OLFM3: variants seen among roughly 807,000 people sequenced by gnomAD.
OLFM3 encodes the protein noelin-3.
OLFM3 carries 20 observed loss-of-function variants against 48.6 expected under a neutral mutation model. That is an observed-to-expected ratio of 0.41 (90% CI 0.29 to 0.60). The LOEUF is 0.60. Among genes scored for constraint, OLFM3 ranks in the 20% least tolerant of loss-of-function variants. OLFM3 has a pLI of 0.28. For missense variants in OLFM3, 437 were observed against 544.3 expected (o/e 0.80, Z 1.96); for synonymous variants, 222 against 198.1 (o/e 1.12, Z -1.01).
At chr1:101,896,662 T>G (rs1183385250) in intron 1 of OLFM3, among the ~76,000 whole-genome samples, 1 of 123,378 alleles carries the variant, frequency 8.1e-6, no homozygotes, top group African/African-American at 3.2e-5. Flanking sequence ...GCCCGGCTGA[T>G]TTTTTGTATT....
intron 1 of OLFM3, among the ~76,000 whole-genome samples, chr1:101,905,412 T>C (rs1658520026): frequency 6.6e-6 from 1 of 152,164 alleles, no homozygotes; most frequent in South Asian, 2.1e-4. Context: ...AAATGTAATT[T>C]AATACTCTGT....
At chr1:101,939,191 C>T (rs1411484902) in intron 1 of OLFM3, among the ~76,000 whole-genome samples, 1 of 152,182 alleles carries the variant, frequency 6.6e-6, no homozygotes, top group African/African-American at 2.4e-5. Flanking sequence ...TACTAAACTT[C>T]ATAAGTTTTA....
chr1:101,958,822 A>G (rs1660378250), intron 1 of OLFM3, among the ~76,000 whole-genome samples: 1 of 105,574 alleles, frequency 9.5e-6, no homozygotes, highest in African/African-American at 3.4e-5. Flanking sequence ...TTCTTATGGT[A>G]TACAAAGTGA....
chr1:101,976,608 C>T (rs944758438), intron 1 of OLFM3, among the ~76,000 whole-genome samples: 2 of 152,052 alleles, frequency 1.3e-5, no homozygotes, highest in South Asian at 2.1e-4. Context: ...CTTATAAGTC[C>T]GGCTTCATCT....
At chr1:101,814,280 T>C (rs1654222440) in intron 4 of OLFM3, among the ~76,000 whole-genome samples, 1 of 152,002 alleles carries the variant, frequency 6.6e-6, no homozygotes, top group African/African-American at 2.4e-5. Context: ...TTTTTTTTTT[T>C]TAGCAGAAAG....
intron 1 of OLFM3, among the ~76,000 whole-genome samples, chr1:101,959,599 A>C (rs1323772733): frequency 6.6e-6 from 1 of 152,162 alleles, no homozygotes; most frequent in South Asian, 2.1e-4. Flanking sequence ...AGATCTTTAA[A>C]TTTGAATTTA....
chr1:101,837,109 C>T, intron 1 of OLFM3, 84 bp from the exon 2 acceptor site: 1 of 1,348,912 alleles, frequency 7.4e-7, no homozygotes, highest in South Asian at 1.4e-5. Context: ...TCAAGTAAAA[C>T]ACTTTTTTGA....
intron 1 of OLFM3, among the ~76,000 whole-genome samples, chr1:101,907,700 C>T (rs12564023): frequency 0.11 from 16,360 of 152,186 alleles, 1,503 homozygotes; most frequent in East Asian, 0.36. Flanking sequence ...TGCTCTAAGG[C>T]TAACTTGTAA....
At chr1:101,903,459 G>C (rs1658453492) in intron 1 of OLFM3, among the ~76,000 whole-genome samples, 1 of 152,014 alleles carries the variant, frequency 6.6e-6, no homozygotes, top group Non-Finnish European at 1.5e-5. Flanking sequence ...GTGGAAATTG[G>C]GGTTGCTGCA....
intron 1 of OLFM3, among the ~76,000 whole-genome samples, chr1:101,922,882 A>G (rs897898160): frequency 1.3e-5 from 2 of 152,208 alleles, no homozygotes; most frequent in Admixed American, 6.5e-5. Flanking sequence ...ACATATTTAG[A>G]GTTTATGATG....
chr1:101,826,129 AACACACACACACACAC>A (rs66617960), intron 3 of OLFM3, among the ~76,000 whole-genome samples: 29 of 133,076 alleles, frequency 2.2e-4, no homozygotes, highest in Admixed American at 6.0e-4. Context: ...ACTTTCGTCA[AACACACACACACACAC>A]ACACACACAC....
chr1:101,834,679 T>A (rs1655317133), intron 2 of OLFM3, among the ~76,000 whole-genome samples: 2 of 152,244 alleles, frequency 1.3e-5, no homozygotes, highest in South Asian at 4.1e-4. Context: ...ATATGGTAAG[T>A]TTAATACATC....
intron 1 of OLFM3, among the ~76,000 whole-genome samples, chr1:101,894,577 AT>A (rs1658126818): frequency 6.6e-6 from 1 of 152,116 alleles, no homozygotes; most frequent in Admixed American, 6.6e-5. Context: ...CTCAGAGGGA[AT>A]TACACTTTTT....
intron 1 of OLFM3, among the ~76,000 whole-genome samples, chr1:101,864,777 A>T (rs1656792930): frequency 6.6e-6 from 1 of 152,170 alleles, no homozygotes; most frequent in Non-Finnish European, 1.5e-5. Context: ...GTGGCTGTAA[A>T]TCCTTTACCT....
At chr1:101,839,779 C>T (rs1255957024) in intron 1 of OLFM3, among the ~76,000 whole-genome samples, 2 of 152,136 alleles carry the variant, frequency 1.3e-5, no homozygotes, top group Non-Finnish European at 2.9e-5. Flanking sequence ...TTTAGCATTT[C>T]CCCTGAAGTG....
At chr1:101,841,695 C>A (rs1339057236) in intron 1 of OLFM3, among the ~76,000 whole-genome samples, 1 of 152,062 alleles carries the variant, frequency 6.6e-6, no homozygotes, top group African/African-American at 2.4e-5. Context: ...GAGGGACAGG[C>A]AAAGTAAGAG....
At chr1:101,966,201 T>C (rs932460673) in intron 1 of OLFM3, among the ~76,000 whole-genome samples, 7 of 152,130 alleles carry the variant, frequency 4.6e-5, no homozygotes, top group African/African-American at 1.7e-4. Context: ...TGAGCCAGGG[T>C]CTTGCCCTGC....
chr1:101,853,826 A>G (rs1251218590), intron 1 of OLFM3, among the ~76,000 whole-genome samples: 3 of 152,168 alleles, frequency 2.0e-5, no homozygotes, highest in African/African-American at 4.8e-5. Context: ...GTATTGAAAC[A>G]TTATGCTTAT....
chr1:101,911,676 C>T (rs1381074539), intron 1 of OLFM3, among the ~76,000 whole-genome samples: 1 of 152,108 alleles, frequency 6.6e-6, no homozygotes, highest in Non-Finnish European at 1.5e-5. Context: ...TTTTAAGGGG[C>T]TAATACATGC....
Sources: gnomAD v4.1 joint callset for allele counts (sites outside exome capture counted in the v4.1 genomes callset) on GRCh38, gnomAD v4.1.1 for gene constraint, MANE v1.5 for transcripts, NCBI Gene and HGNC (gene_info 2026-07-23, HGNC 2026-07-21) for gene names.